PCDH15: variants seen among roughly 807,000 people sequenced by gnomAD.
PCDH15 encodes protocadherin related 15, also known as protocadherin-15.
A neutral mutation model predicts 178.5 loss-of-function variants in PCDH15; 129 were observed. That is an observed-to-expected ratio of 0.72 (90% confidence interval 0.63 to 0.84). PCDH15 has a LOEUF of 0.84. Among genes scored for constraint, PCDH15 ranks in the 40% least tolerant of loss-of-function variants. PCDH15 has a pLI of 0.00. For missense variants in PCDH15, 2,230 were observed against 2,099.9 expected, an observed-to-expected ratio of 1.06 and a Z score of -1.21; for synonymous variants, 800 against 732.0, an observed-to-expected ratio of 1.09 and a Z score of -1.50.
intron 15 of PCDH15, among the ~76,000 whole-genome samples, chr10:54,117,392 A>G (rs547699331): frequency 6.6e-6 from 1 of 152,106 alleles, no homozygotes; most frequent in Non-Finnish European, 1.5e-5. Flanking sequence ...AACCCCAAGG[A>G]GGGTGTCACA....
At chr10:55,364,999 G>T (rs1349890038) in intron 2 of PCDH15, among the ~76,000 whole-genome samples, 5 of 152,084 alleles carry the variant, frequency 3.3e-5, no homozygotes, top group Non-Finnish European at 7.4e-5. Context: ...AAGATTTTCT[G>T]TCTTTCCATG....
chr10:55,254,832 C>G (rs1233228691), intron 1 of PCDH15, among the ~76,000 whole-genome samples: 1 of 152,056 alleles, frequency 6.6e-6, no homozygotes, highest in East Asian at 1.9e-4. Flanking sequence ...ATTGCTATGG[C>G]AAGAAGACAA....
intron 10 of PCDH15, among the ~76,000 whole-genome samples, chr10:54,200,523 C>T (rs2050127834): frequency 6.6e-6 from 1 of 151,974 alleles, no homozygotes; most frequent in African/African-American, 2.4e-5. Flanking sequence ...AAGTGCTCAC[C>T]TTCATCTGTA....
intron 15 of PCDH15, among the ~76,000 whole-genome samples, chr10:54,103,739 A>C (rs1205061271): frequency 2.6e-5 from 4 of 152,128 alleles, no homozygotes; most frequent in African/African-American, 9.7e-5. Context: ...TAACCAGACA[A>C]ATAAATTATT....
intron 14 of PCDH15, among the ~76,000 whole-genome samples, chr10:54,151,584 C>CA (rs1308374467): frequency 6.6e-6 from 1 of 151,698 alleles, no homozygotes; most frequent in Non-Finnish European, 1.5e-5. Context: ...ACAATAAAAA[C>CA]AAAAGATGTA....
At chr10:54,903,575 T>C (rs1954674537) in intron 2 of PCDH15, among the ~76,000 whole-genome samples, 1 of 151,978 alleles carries the variant, frequency 6.6e-6, no homozygotes, top group South Asian at 2.1e-4. Context: ...GCCATGTTTT[T>C]TTTTTGGGAA....
intron 3 of PCDH15, among the ~76,000 whole-genome samples, chr10:54,385,964 A>G (rs1949866498): frequency 1.3e-5 from 2 of 152,096 alleles, no homozygotes; most frequent in Non-Finnish European, 2.9e-5. Context: ...TTTGTGTTTT[A>G]TTCTTTTTGA....
chr10:54,967,714 C>A (rs1488415746), intron 2 of PCDH15, among the ~76,000 whole-genome samples: 1 of 152,110 alleles, frequency 6.6e-6, no homozygotes, highest in Non-Finnish European at 1.5e-5. Flanking sequence ...GATGCTATAA[C>A]AAAATACTGC....
chr10:54,189,327 C>A (rs1413643161), intron 11 of PCDH15: 1 of 1,548,956 alleles, frequency 6.5e-7, no homozygotes, highest in East Asian at 2.3e-5. Context: ...CAGCAATTAA[C>A]AAAAGAACAA....
At chr10:55,211,690 TA>T (rs925134832) in intron 1 of PCDH15, among the ~76,000 whole-genome samples, 9 of 152,106 alleles carry the variant, frequency 5.9e-5, no homozygotes, top group African/African-American at 2.2e-4. Flanking sequence ...AGATTAAAAT[TA>T]TAAACCAAGA....
At chr10:54,307,077 T>TATAC (rs1482741418) in intron 8 of PCDH15, among the ~76,000 whole-genome samples, 1 of 9,718 alleles carries the variant, frequency 1.0e-4, no homozygotes, top group Admixed American at 1.3e-3. Flanking sequence ...TATATATATA[T>TATAC]ATACATATAT....
intron 14 of PCDH15, among the ~76,000 whole-genome samples, chr10:54,144,662 C>T (rs1241760966): frequency 6.6e-6 from 1 of 152,100 alleles, no homozygotes; most frequent in Admixed American, 6.6e-5. Flanking sequence ...CCTATAATTG[C>T]TGTGTCAGTG....
At chr10:54,441,721 T>C (rs1016107123) in intron 3 of PCDH15, among the ~76,000 whole-genome samples, 2 of 151,886 alleles carry the variant, frequency 1.3e-5, no homozygotes, top group Admixed American at 6.6e-5. Flanking sequence ...TCTTGTCTTC[T>C]TAACGTGTAT....
intron 17 of PCDH15, among the ~76,000 whole-genome samples, chr10:54,072,917 A>T (rs868765872): frequency 2.2e-4 from 33 of 152,314 alleles, no homozygotes; most frequent in Non-Finnish European, 3.1e-4. Context: ...TGGCAGCTTA[A>T]CTAGTGAGTA....
chr10:54,241,927 A>T, intron 8 of PCDH15, among the ~76,000 whole-genome samples: 1 of 145,240 alleles, frequency 6.9e-6, no homozygotes, highest in African/African-American at 2.5e-5. Flanking sequence ...TCTATTTTGA[A>T]TACATGCTTC....
chr10:54,949,836 G>A lies in PCDH15; in HGVS notation c.-79-52336C>T, dbSNP rs182883162. ...GTCTCTTTGCTAAAGCATAGGAAAA[G>A]TCCCCTTTATTCCAGTTCCCAACAA... On this transcript the variant is annotated intron_variant, in intron 2 of 5. Transcript: ENST00000458638. Among the ~76,000 whole-genome samples, 1,324 of 151,950 alleles carry A rather than the reference G, an allele frequency of 8.7e-3. 73 individuals are homozygous for A. Among genetic ancestry groups the A allele is most frequent in the Non-Finnish European group, 2.2e-3 (150 of 67,932 alleles).
At chr10:54,066,913 TGAGAG>T in intron 17 of PCDH15, 28 bp from the exon 18 acceptor site, 1 of 1,608,856 alleles carries the variant, frequency 6.2e-7, no homozygotes, top group South Asian at 1.1e-5. Context: ...GCATTAAATG[TGAGAG>T]GAGCTATTTT....
At chr10:53,963,960 G>A (rs950156765) in intron 21 of PCDH15, among the ~76,000 whole-genome samples, 9 of 152,076 alleles carry the variant, frequency 5.9e-5, no homozygotes, top group Admixed American at 3.9e-4. Context: ...TTGTTAGTAA[G>A]GGCAATCTGA....
At chr10:53,956,919 T>A (rs2087667881) in intron 23 of PCDH15, among the ~76,000 whole-genome samples, 1 of 152,190 alleles carries the variant, frequency 6.6e-6, no homozygotes, top group South Asian at 2.1e-4. Context: ...AATGGTAAAT[T>A]ATACGTTGAA....
Sources: allele counts gnomAD v4.1 joint callset (sites outside exome capture counted in the v4.1 genomes callset), GRCh38; gene constraint gnomAD v4.1.1; transcripts MANE v1.5; gene names NCBI Gene and HGNC (gene_info 2026-07-23, HGNC 2026-07-21).